CFAP44: variants seen among roughly 807,000 people sequenced by gnomAD.
CFAP44 encodes cilia- and flagella-associated protein 44.
CFAP44 carries 134 observed loss-of-function variants against 216.2 expected under a neutral mutation model. That is an observed-to-expected ratio of 0.62 (90% CI 0.54 to 0.72). The LOEUF (loss-of-function observed/expected upper bound fraction) is 0.72. Ranked by LOEUF, CFAP44 falls within the 30% of genes least tolerant of loss-of-function variation. The pLI is 0.00. For missense variants in CFAP44, 2,035 were observed against 2,182.1 expected, an observed-to-expected ratio of 0.93 and a Z score of 1.34; for synonymous variants, 700 against 727.6, an observed-to-expected ratio of 0.96 and a Z score of 0.61.
In CFAP44 at chr3:113,287,397, T is replaced by C. The variant is rs936628872; in HGVS notation, c.*4160A>G. ...AGAATCAATAATCCGTGGCAACATA[T>C]CTCTGTAAAAACAAACACTGTAACT... is the stretch of plus-strand genomic sequence containing the variant. On this transcript the variant is annotated 3_prime_UTR_variant, in exon 35 of 35. Transcript: ENST00000393845. The C allele has an allele frequency of 6.3e-6, 1 of 158,762 alleles. No individual in the cohort carries two copies. The highest frequency in any genetic ancestry group is 6.3e-5 in the Admixed American group (1 of 15,866). The allele number at this position is 158,762 out of a possible 1,614,324, so 9.8% of individuals were successfully genotyped here.
rs182199561 is a variant in CFAP44, at chr3:113,343,283, G to A, written c.3262+1233C>T. 6.6e-5 allele frequency among the ~76,000 whole-genome samples: 10 copies of A among 151,842 alleles called. No homozygotes were observed. The East Asian group carries it at 7.8e-4, about 12-fold the overall frequency. ...TCACCATGTTGGCCAGGCTGGCCTC[G>A]GACTCCTGACCTCAAGTGATTCACC... On this transcript the variant is annotated intron_variant, in intron 23 of 34. Transcript: ENST00000393845.
intron 15 of CFAP44, among the ~76,000 whole-genome samples, chr3:113,395,349 G>A (rs1933960544): frequency 6.6e-6 from 1 of 152,218 alleles, no homozygotes; most frequent in African/African-American, 2.4e-5. Context: ...GAAGTAAAGA[G>A]ATAAAGATGA....
rs765761736 is a variant in CFAP44 at position 113,379,563 on chromosome 3, A to G, written c.2053-12T>C. 5 of 1,545,564 alleles carry G rather than the reference A, an allele frequency of 3.2e-6. No individual in the cohort carries two copies. The highest frequency in any genetic ancestry group is 4.4e-6 in the Non-Finnish European group (5 of 1,129,760). On this transcript the variant is annotated splice_polypyrimidine_tract_variant and intron_variant, in intron 16 of 34. Coordinates refer to ENST00000393845, the MANE Select transcript of CFAP44 (RefSeq NM_001164496.2). ...ATTTCTATTAATCTCTTTTAAAATA[A>G]ACATTAAGTAGGTATAAAAACAATT...
chr3:113,436,589 C>T (rs1385821986), intron 1 of CFAP44, among the ~76,000 whole-genome samples: 1 of 152,172 alleles, frequency 6.6e-6, no homozygotes, highest in African/African-American at 2.4e-5. Flanking sequence ...GTCTGACAGT[C>T]GTGACTGAAG....
Position 113,363,294 on chromosome 3 carries a change from T to A in CFAP44, c.2785A>T (p.Arg929Trp). 1 of 1,607,570 alleles carries A rather than the reference T, an allele frequency of 6.2e-7. No individual in the cohort carries two copies. Among genetic ancestry groups the A allele is most frequent in the Non-Finnish European group, 8.5e-7 (1 of 1,178,294 alleles). ...DPKAYSIENA[R>W]RKREHDKLMK... ...AACTTGTCATGTTCTCTTTTTCTCC[T>A]AGCATTCTCGATACTGAAAACAGAA... Residue 929 changes from arginine (R) to tryptophan (W), a missense_variant, in exon 21 of 35, where the codon AGG (arginine) becomes TGG (tryptophan). Around this residue, in one of 3 missense-constraint regions of CFAP44, gnomAD observed 1,883 missense variants for 2,023.7 expected, o/e 0.93. Transcript: ENST00000393845.
At chr3:113,298,044 G>A (rs995838327) in intron 32 of CFAP44, among the ~76,000 whole-genome samples, 5 of 152,244 alleles carry the variant, frequency 3.3e-5, no homozygotes, top group Non-Finnish European at 7.3e-5. Flanking sequence ...ACGATGAATA[G>A]ATGATGTGCA....
chr3:113,373,080 T>C (rs946231809), intron 18 of CFAP44, among the ~76,000 whole-genome samples: 1 of 152,222 alleles, frequency 6.6e-6, no homozygotes, highest in Non-Finnish European at 1.5e-5. Context: ...AAAGGGCTAA[T>C]GATTCATTTG....
intron 26 of CFAP44, 48 bp downstream of exon 26, chr3:113,330,120 C>G: frequency 7.6e-6 from 11 of 1,439,128 alleles, no homozygotes; most frequent in South Asian, 3.0e-5. Flanking sequence ...AATTTTTTCC[C>G]TTCTCTTCTC....
intron 15 of CFAP44, among the ~76,000 whole-genome samples, chr3:113,386,115 T>A (rs767057845): frequency 2.6e-4 from 39 of 152,214 alleles, no homozygotes; most frequent in Non-Finnish European, 5.1e-4. Context: ...AATTGTTATA[T>A]CTTTCTGGTG....
intron 16 of CFAP44, among the ~76,000 whole-genome samples, chr3:113,380,110 A>C (rs1046642991): frequency 1.3e-5 from 2 of 152,170 alleles, no homozygotes; most frequent in Non-Finnish European, 2.9e-5. Flanking sequence ...ATATGTATAC[A>C]TGTGTCATGC....
At chr3:113,369,591 A>C (rs1933080170) in intron 18 of CFAP44, among the ~76,000 whole-genome samples, 1 of 152,236 alleles carries the variant, frequency 6.6e-6, no homozygotes, top group Non-Finnish European at 1.5e-5. Context: ...GTGTAGAGGG[A>C]AATTTATAGC....
chr3:113,308,244 G>T lies in CFAP44; in HGVS notation c.4541C>A (p.Ser1514Ter). 1.3e-6 allele frequency: 2 copies of T among 1,536,148 alleles called. No homozygotes were observed. Among genetic ancestry groups the T allele is most frequent in the Non-Finnish European group, 1.7e-6 (2 of 1,146,608 alleles). Residue 1514 changes from serine (S) to a stop codon, truncating the protein, a stop_gained, in exon 29 of 35, where the codon TCA becomes TAA. Coordinates refer to ENST00000393845, the MANE Select transcript of CFAP44 (RefSeq NM_001164496.2). LOFTEE classifies it high-confidence loss of function. Reference sequence around the variant, plus strand: ...CTCCAAGCTAGATTCTTCTTCACTTGATTCCTCACTCTCCTCATCTTCATC... The same window carrying T: ...CTCCAAGCTAGATTCTTCTTCACTTTATTCCTCACTCTCCTCATCTTCATC... ...DADEDEESEE[S>*]SEEESSLESD...
intron 24 of CFAP44, among the ~76,000 whole-genome samples, chr3:113,337,289 C>G (rs947056711): frequency 1.3e-5 from 2 of 151,856 alleles, no homozygotes; most frequent in Non-Finnish European, 2.9e-5. Flanking sequence ...CAGCAAAACA[C>G]TGATGAAAGA....
intron 15 of CFAP44, among the ~76,000 whole-genome samples, chr3:113,388,923 T>C (rs1239042295): frequency 6.6e-6 from 1 of 152,084 alleles, no homozygotes; most frequent in African/African-American, 2.4e-5. Flanking sequence ...AATACAACAA[T>C]AGCTGGAGAT....
intron 19 of CFAP44, among the ~76,000 whole-genome samples, chr3:113,364,894 T>C (rs1018399803): frequency 6.6e-6 from 1 of 152,136 alleles, no homozygotes; most frequent in African/African-American, 2.4e-5. Flanking sequence ...CTCAGACCAG[T>C]GCTGAGCTTA....
At chr3:113,389,364 C>T (rs972360546) in intron 15 of CFAP44, among the ~76,000 whole-genome samples, 6 of 151,856 alleles carry the variant, frequency 4.0e-5, no homozygotes, top group African/African-American at 1.5e-4. Context: ...CTATGGTATA[C>T]GGTGAAAGCA....
intron 34 of CFAP44, 72 bp downstream of exon 34, chr3:113,294,615 C>T (rs1949863252): frequency 6.2e-6 from 9 of 1,450,602 alleles, no homozygotes; most frequent in Non-Finnish European, 8.1e-6. Context: ...CAGTACTTAA[C>T]ATTCTTGTGA....
intron 21 of CFAP44, chr3:113,360,750 T>C (rs1334379365): frequency 6.4e-6 from 1 of 155,436 alleles, no homozygotes; most frequent in Non-Finnish European, 1.4e-5. Flanking sequence ...ACAGAATTAC[T>C]GGACCAGAGG....
At chr3:113,396,070 A>T (rs973863773) in intron 14 of CFAP44, among the ~76,000 whole-genome samples, 2 of 152,192 alleles carry the variant, frequency 1.3e-5, no homozygotes, top group Non-Finnish European at 1.5e-5. Context: ...GTGGTTCTGA[A>T]AATATGATCA....
Sources: allele counts gnomAD v4.1 joint callset (sites outside exome capture counted in the v4.1 genomes callset), GRCh38; gene constraint gnomAD v4.1.1; regional missense constraint gnomAD v4.1.1; transcripts MANE v1.5; gene names NCBI Gene and HGNC (gene_info 2026-07-23, HGNC 2026-07-21).